CDH13: variants seen among roughly 807,000 people sequenced by gnomAD.
CDH13 encodes cadherin-13.
In CDH13, 24 loss-of-function variants were observed where a neutral mutation model predicts 63.8. The observed-to-expected ratio is 0.38, with a 90% confidence interval of 0.27 to 0.53. CDH13 has a LOEUF of 0.53. CDH13 is among the 20% of genes least tolerant of loss of function. CDH13 has a pLI of 0.85. For synonymous variants in CDH13, 503 were observed against 355.3 expected, an observed-to-expected ratio of 1.42 and a Z score of -4.67; for missense variants, 1,049 against 903.1, an observed-to-expected ratio of 1.16 and a Z score of -2.07.
chr16:83,790,081 G>T (rs1252417326), intron 13 of CDH13: 1 of 152,158 alleles, frequency 6.6e-6, no homozygotes, highest in African/African-American at 2.4e-5. Context: ...GATGTGTGGG[G>T]CTGTTTTCTG....
Position 82,833,136 on chromosome 16 carries a change from A to C in CDH13, c.46-25226A>C, listed in dbSNP as rs537108170. Among the ~76,000 whole-genome samples, 3 of 152,324 alleles carry C rather than the reference A, an allele frequency of 2.0e-5. 1 individual carries two copies. In the South Asian group the frequency reaches 6.2e-4, roughly 32 times the overall value. On this transcript the variant is annotated intron_variant, in intron 1 of 13. Transcript: ENST00000567109. ...CAATGTGAGAGACCAGTGAACTCAG[A>C]CCCGTCTCCCAAGAGCCTTGTGTAA...
At chr16:83,295,062 C>G (rs1045218069) in intron 5 of CDH13, among the ~76,000 whole-genome samples, 5 of 151,922 alleles carry the variant, frequency 3.3e-5, no homozygotes, top group African/African-American at 7.3e-5. Context: ...AATAGAAAAC[C>G]CAGAAATAAA....
At chr16:83,312,395 A>G (rs899350269) in intron 5 of CDH13, among the ~76,000 whole-genome samples, 1 of 152,232 alleles carries the variant, frequency 6.6e-6, no homozygotes, top group Non-Finnish European at 1.5e-5. Context: ...GGTCTCAGAA[A>G]GGACAGGAGC....
intron 2 of CDH13, among the ~76,000 whole-genome samples, chr16:82,925,228 G>A (rs998559260): frequency 6.6e-6 from 1 of 152,166 alleles, no homozygotes; most frequent in Non-Finnish European, 1.5e-5. Flanking sequence ...CAAAGAGGGA[G>A]GAGGTGACAT....
intron 5 of CDH13, among the ~76,000 whole-genome samples, chr16:83,238,468 G>A (rs1387621951): frequency 3.3e-5 from 5 of 152,168 alleles, no homozygotes; most frequent in African/African-American, 1.2e-4. Context: ...CATGACATGG[G>A]GGGATTGTGG....
At chr16:83,539,981 C>G (rs901673862) in intron 7 of CDH13, among the ~76,000 whole-genome samples, 1 of 152,066 alleles carries the variant, frequency 6.6e-6, no homozygotes, top group African/African-American at 2.4e-5. Context: ...AGATAAAATT[C>G]TCTTGCTTCT....
chr16:83,712,869 C>A (rs1254834022), intron 10 of CDH13, among the ~76,000 whole-genome samples: 2 of 152,068 alleles, frequency 1.3e-5, no homozygotes, highest in African/African-American at 4.8e-5. Context: ...AAAATTCAGC[C>A]CTATTAAGTT....
chr16:82,878,936 G>C (rs1597880282), intron 2 of CDH13, among the ~76,000 whole-genome samples: 1 of 152,066 alleles, frequency 6.6e-6, no homozygotes, highest in East Asian at 1.9e-4. Flanking sequence ...CACCTTCTCT[G>C]AGGTGACAGG....
chr16:83,786,492 G>C (rs565029214), intron 13 of CDH13, among the ~76,000 whole-genome samples: 1 of 152,254 alleles, frequency 6.6e-6, no homozygotes, highest in South Asian at 2.1e-4. Flanking sequence ...CAGACAGATG[G>C]ATAAATGAAA....
chr16:83,497,219 T>C (rs1457406060), intron 7 of CDH13, among the ~76,000 whole-genome samples: 18 of 152,042 alleles, frequency 1.2e-4, no homozygotes, highest in Admixed American at 1.2e-3. Flanking sequence ...CACGTATGTT[T>C]ATTGCGGCAC....
chr16:83,248,538 CAAG>C lies in CDH13; in HGVS notation c.636+31046_636+31048del, dbSNP rs138991213. Among the ~76,000 whole-genome samples, 741 of 152,218 alleles carry C rather than the reference CAAG, an allele frequency of 4.9e-3. 3 individuals are homozygous for C. Among genetic ancestry groups the C allele is most frequent in the African/African-American group, 0.017 (706 of 41,548 alleles). On this transcript the variant is annotated intron_variant, in intron 5 of 13. Coordinates refer to ENST00000567109, the MANE Select transcript of CDH13 (RefSeq NM_001257.5). ...AAGGGTCATCAGGTAGTTAGTAGAT[CAAG>C]AAGATTTCTACAATGTAGTACATCT...
At chr16:82,741,798 C>T (rs921837482) in intron 1 of CDH13, among the ~76,000 whole-genome samples, 1 of 151,990 alleles carries the variant, frequency 6.6e-6, no homozygotes, top group African/African-American at 2.4e-5. Context: ...AAAGACAAGA[C>T]ATAGTATTGA....
intron 1 of CDH13, among the ~76,000 whole-genome samples, chr16:82,758,470 T>C (rs2034706176): frequency 1.3e-5 from 2 of 151,882 alleles, no homozygotes. Flanking sequence ...TTAGTGTCTC[T>C]TTCCAGCTGA....
At chr16:82,949,520 G>T (rs1035865168) in intron 2 of CDH13, among the ~76,000 whole-genome samples, 5 of 152,138 alleles carry the variant, frequency 3.3e-5, no homozygotes, top group Non-Finnish European at 4.4e-5. Flanking sequence ...CCCTAAATGG[G>T]GATCTCCTGA....
rs558473032 is a variant in CDH13, at chr16:82,750,993, T to A, written c.46-107369T>A. On this transcript the variant is annotated intron_variant, in intron 1 of 13. Coordinates refer to ENST00000567109, the MANE Select transcript of CDH13 (RefSeq NM_001257.5). ...GCTAGTCATCAGCAGTTTGCAAAAATTATGGCGCTGGTCCTCTCCCCAGCC... is the reference window on the plus strand; with the variant it reads ...GCTAGTCATCAGCAGTTTGCAAAAAATATGGCGCTGGTCCTCTCCCCAGCC... 2.0e-5 allele frequency among the ~76,000 whole-genome samples: 3 copies of A among 152,310 alleles called. No individual in the cohort carries two copies. The South Asian group carries it at 6.2e-4, about 32-fold the overall frequency.
At position 83,762,934 on chromosome 16, in the gene CDH13, C is replaced by T. The variant is rs768717855; in HGVS notation, c.1681+14684C>T. ...ACACTCTGCCAAGTTTAAAGAAAGA[C>T]GAAAACAAAAGGTGTCCCTGTTAGT... is the stretch of plus-strand genomic sequence containing the variant. On this transcript the variant is annotated intron_variant, in intron 11 of 13. Transcript: ENST00000567109. Among the ~76,000 whole-genome samples the T allele has an allele frequency of 3.9e-5, 6 of 152,096 alleles. No homozygotes were observed. In the East Asian group the frequency reaches 7.7e-4, roughly 20 times the overall value.
chr16:82,639,360 G>T lies in CDH13; in HGVS notation c.45+12223G>T, dbSNP rs1392615620. 8 of 1,534,460 alleles carry T rather than the reference G, an allele frequency of 5.2e-6. No individual in the cohort carries two copies. The South Asian group carries it at 8.3e-5, about 16-fold the overall frequency. ...TCTCCATGTCCTTGCTTTTGACCAGGGCCAAACAACCCACCTGCACTGCAT... is the reference window on the plus strand; with the variant it reads ...TCTCCATGTCCTTGCTTTTGACCAGTGCCAAACAACCCACCTGCACTGCAT... On this transcript the variant is annotated intron_variant, in intron 1 of 13. Transcript: ENST00000567109.
At chr16:83,580,515 G>C (rs1437124621) in intron 7 of CDH13, among the ~76,000 whole-genome samples, 2 of 123,058 alleles carry the variant, frequency 1.6e-5, no homozygotes, top group South Asian at 2.8e-4. Flanking sequence ...TCTAAGTCAG[G>C]TCAGGGTCTC....
At chr16:82,799,406 G>A (rs910719936) in intron 1 of CDH13, among the ~76,000 whole-genome samples, 1 of 152,192 alleles carries the variant, frequency 6.6e-6, no homozygotes, top group African/African-American at 2.4e-5. Context: ...TTTACCGTAA[G>A]ATGGGCTTTT....
Sources: gnomAD v4.1 joint callset for allele counts (sites outside exome capture counted in the v4.1 genomes callset) on GRCh38, gnomAD v4.1.1 for gene constraint, MANE v1.5 for transcripts, NCBI Gene and HGNC (gene_info 2026-07-23, HGNC 2026-07-21) for gene names.